The following DOCK1 variants were observed in gnomAD, a reference collection of about 807,000 sequenced individuals.
DOCK1 encodes the protein dedicator of cytokinesis 1, also known as dedicator of cytokinesis protein 1.
In DOCK1, 138 loss-of-function variants were observed where a neutral mutation model predicts 262.7. The observed-to-expected ratio is 0.53, with a 90% CI of 0.46 to 0.61. The LOEUF (loss-of-function observed/expected upper bound fraction) is 0.61. Ranked by LOEUF, DOCK1 falls within the 20% of genes least tolerant of loss-of-function variation. The pLI is 0.00. For missense variants in DOCK1, 1,908 were observed against 2,370.7 expected, an observed-to-expected ratio of 0.80 and a Z score of 4.05; for synonymous variants, 866 against 867.4, an observed-to-expected ratio of 1.00 and a Z score of 0.03.
intron 46 of DOCK1, 37 bp from the exon 47 acceptor site, chr10:127,425,837 C>A (rs368541532): frequency 9.0e-5 from 145 of 1,613,278 alleles, no homozygotes; most frequent in Middle Eastern, 6.6e-4. Context: ...AGACCATTAT[C>A]CAAGAAATAA....
At chr10:127,293,648 G>A (rs1037744450) in intron 29 of DOCK1, among the ~76,000 whole-genome samples, 1 of 152,194 alleles carries the variant, frequency 6.6e-6, no homozygotes, top group East Asian at 1.9e-4. Context: ...TGGGTCTGGG[G>A]ACATGGGATG....
intron 29 of DOCK1, among the ~76,000 whole-genome samples, chr10:127,266,048 A>T: frequency 6.6e-6 from 1 of 152,256 alleles, no homozygotes; most frequent in East Asian, 1.9e-4. Context: ...AGAGGGAAAA[A>T]TTAGTGCCCA....
At chr10:126,919,621 A>G (rs1339119549) in intron 1 of DOCK1, among the ~76,000 whole-genome samples, 2 of 152,118 alleles carry the variant, frequency 1.3e-5, no homozygotes, top group East Asian at 3.9e-4. Context: ...TTCCATACTC[A>G]GGCTCTGTGG....
At chr10:127,279,969 AT>A (rs1306287249) in intron 29 of DOCK1, among the ~76,000 whole-genome samples, 1 of 146,624 alleles carries the variant, frequency 6.8e-6, no homozygotes, top group Non-Finnish European at 1.5e-5. Flanking sequence ...GAATGCATTA[AT>A]TTTTTTAAAG....
intron 38 of DOCK1, among the ~76,000 whole-genome samples, chr10:127,385,808 C>T (rs1282966315): frequency 6.6e-6 from 1 of 152,182 alleles, no homozygotes; most frequent in Non-Finnish European, 1.5e-5. Flanking sequence ...GTAACCACAT[C>T]GCTCCAAGCC....
intron 29 of DOCK1, among the ~76,000 whole-genome samples, chr10:127,324,614 GT>G (rs112871272): frequency 1.3e-5 from 2 of 150,374 alleles, no homozygotes; most frequent in Admixed American, 6.6e-5. Flanking sequence ...CAATATTTCG[GT>G]TTTTTTTTTA....
intron 2 of DOCK1, among the ~76,000 whole-genome samples, chr10:126,975,550 G>A (rs1422511776): frequency 2.0e-5 from 3 of 152,004 alleles, no homozygotes; most frequent in African/African-American, 7.2e-5. Flanking sequence ...TTAAACTGAA[G>A]CATCTCTTCA....
chr10:127,198,064 C>A (rs2057295632), intron 27 of DOCK1, among the ~76,000 whole-genome samples: 1 of 152,158 alleles, frequency 6.6e-6, no homozygotes, highest in South Asian at 2.1e-4. Context: ...TAACTCAGAT[C>A]CCCCAAGCTG....
At chr10:127,321,259 C>T (rs1266852545) in intron 29 of DOCK1, among the ~76,000 whole-genome samples, 1 of 130,548 alleles carries the variant, frequency 7.7e-6, no homozygotes, top group Non-Finnish European at 1.7e-5. Flanking sequence ...TCTCTCCTCC[C>T]CTCTCCTCCC....
chr10:126,948,893 G>A (rs1277457105), intron 1 of DOCK1, among the ~76,000 whole-genome samples: 1 of 152,102 alleles, frequency 6.6e-6, no homozygotes, highest in Admixed American at 6.5e-5. Flanking sequence ...GGGTAGTACT[G>A]GGGTTGCGTG....
chr10:127,237,080 C>T (rs978168908), intron 27 of DOCK1, among the ~76,000 whole-genome samples: 3 of 152,054 alleles, frequency 2.0e-5, no homozygotes, highest in Admixed American at 6.6e-5. Context: ...AAATATTGGC[C>T]GGGCGCGGTG....
At chr10:127,271,989 G>A (rs986651711) in intron 29 of DOCK1, 1 of 152,164 alleles carries the variant, frequency 6.6e-6, no homozygotes, top group Non-Finnish European at 1.5e-5. Context: ...GCATGAGGGC[G>A]ATCTGTGTTT....
chr10:127,331,201 G>C (rs765246917), intron 29 of DOCK1, among the ~76,000 whole-genome samples: 53 of 152,134 alleles, frequency 3.5e-4, no homozygotes, highest in Non-Finnish European at 4.9e-4. Context: ...TTAAGGAAAG[G>C]GTATACTGAA....
Position 127,362,286 on chromosome 10 carries a change from G to A in DOCK1, c.3432+74G>A, listed in dbSNP as rs1270171357. ...AACCTGAAAACCTTCAAAGAAACCT[G>A]TAGACAGTTCTAGAGTTAAAGGTGC... On this transcript the variant is annotated intron_variant, in intron 33 of 51. Transcript: ENST00000623213. 71 of 1,527,830 alleles carry A rather than the reference G, an allele frequency of 4.6e-5. No individual in the cohort carries two copies. The East Asian group carries it at 1.4e-3, about 30-fold the overall frequency. 94.6% of individuals were successfully genotyped at this position (1,527,830 alleles called of 1,614,324 possible).
At chr10:127,089,592 G>A (rs976735345) in intron 23 of DOCK1, among the ~76,000 whole-genome samples, 1 of 152,196 alleles carries the variant, frequency 6.6e-6, no homozygotes, top group Non-Finnish European at 1.5e-5. Context: ...CCAGGAGAGG[G>A]GGCTGCCCCT....
At chr10:126,991,827 C>T (rs1476552712) in intron 6 of DOCK1, among the ~76,000 whole-genome samples, 1 of 152,138 alleles carries the variant, frequency 6.6e-6, no homozygotes, top group East Asian at 1.9e-4. Context: ...CTGCTCCCAG[C>T]CGGAAATCTC....
intron 10 of DOCK1, among the ~76,000 whole-genome samples, chr10:127,002,003 A>G (rs7079008): frequency 0.93 from 141,997 of 152,274 alleles, 66,209 homozygotes; most frequent in African/African-American, 0.95. Context: ...GACCACAGGC[A>G]CATGCCGTGC....
At chr10:127,403,785 T>A (rs990468123) in intron 39 of DOCK1, among the ~76,000 whole-genome samples, 1 of 152,142 alleles carries the variant, frequency 6.6e-6, no homozygotes, top group Non-Finnish European at 1.5e-5. Flanking sequence ...TGACCCCTTC[T>A]ATGAGAGAGG....
In DOCK1 at chr10:127,176,439, G is replaced by C; in HGVS notation, c.2847+48675G>C. 2 of 1,519,996 alleles carry C rather than the reference G, an allele frequency of 1.3e-6. No homozygotes were observed. 94.2% of individuals were successfully genotyped at this position (1,519,996 alleles called of 1,614,324 possible). On this transcript the variant is annotated intron_variant, in intron 27 of 51. Coordinates refer to ENST00000623213, the MANE Select transcript of DOCK1 (RefSeq NM_001290223.2). The surrounding 1 kb of genome is among the most constrained non-coding windows in gnomAD (Gnocchi z 4.4). ...CAGCAACAGAGGTGTCAGTGGGACA[G>C]AAATACACACTCAAGCACCGGCCGC...
Sources: allele counts gnomAD v4.1 joint callset (sites outside exome capture counted in the v4.1 genomes callset), GRCh38; gene constraint gnomAD v4.1.1; non-coding constraint Gnocchi (gnomAD v3.1); transcripts MANE v1.5; gene names NCBI Gene and HGNC (gene_info 2026-07-23, HGNC 2026-07-21).